The following SPAM1 variants were observed in gnomAD, a reference collection of about 807,000 sequenced individuals.
The protein encoded by SPAM1 is hyaluronidase PH-20.
SPAM1 carries 22 observed loss-of-function variants against 29.6 expected under a neutral mutation model. The observed-to-expected ratio is 0.74, with a 90% CI of 0.53 to 1.06. The LOEUF (loss-of-function observed/expected upper bound fraction) is 1.06, where lower values mean the gene tolerates loss of function less well. SPAM1 is among the 50% of genes least tolerant of loss of function. SPAM1 has a pLI of 0.00. For missense variants in SPAM1, 534 were observed against 604.0 expected (o/e 0.88, Z 1.21); for synonymous variants, 194 against 204.6 (o/e 0.95, Z 0.44).
rs749343447 is a variant in SPAM1, at chr7:123,954,235, C to T, written c.665C>T (p.Pro222Leu). The change falls in exon 3 of 5, where the codon CCG becomes CTG. Residue 222 changes from proline to leucine, a missense_variant. Coordinates refer to ENST00000682466, the MANE Select transcript of SPAM1 (RefSeq NM_153189.3). ...CACTTGTGGGGTTATTATCTTTTTC[C>T]GGATTGTTACAACCATCACTATAAG... is the stretch of plus-strand genomic sequence containing the variant. ...PNHLWGYYLF[P>L]DCYNHHYKKP... 2.4e-5 allele frequency: 38 copies of T among 1,613,172 alleles called. No homozygotes were observed. The Admixed American group carries it at 4.7e-4, about 20-fold the overall frequency.
At chr7:123,957,786 C>T (rs548986903) in intron 4 of SPAM1, among the ~76,000 whole-genome samples, 1 of 151,990 alleles carries the variant, frequency 6.6e-6, no homozygotes, top group African/African-American at 2.4e-5. Context: ...CATTATCTGG[C>T]TGGCTACTGG....
chr7:123,967,502 T>C lies in SPAM1; in HGVS notation c.1486-2696T>C, dbSNP rs886721952. ...TAAGTGATTAGATATTCCCTGTGAT[T>C]GTTTTATATATTCTTAGTAGGTATG... On this transcript the variant is annotated intron_variant, in intron 5 of 6. Transcript: ENST00000340011. 4.6e-5 allele frequency among the ~76,000 whole-genome samples: 7 copies of C among 152,024 alleles called. 1 individual carries two copies. Among genetic ancestry groups the C allele is most frequent in the Admixed American group, 4.6e-4 (7 of 15,224 alleles).
In SPAM1 at chr7:123,968,970, A is replaced by T. The variant is rs143741719; in HGVS notation, c.1486-1228A>T. ...AGGCCTGTGTTAAGAAATTATAGGCATTTTCTCATTTAATCTCCATAATAC... is the reference window on the plus strand; with the variant it reads ...AGGCCTGTGTTAAGAAATTATAGGCTTTTTCTCATTTAATCTCCATAATAC... On this transcript the variant is annotated intron_variant, in intron 5 of 6. Transcript: ENST00000340011. Among the ~76,000 whole-genome samples, 97 of 152,096 alleles carry T rather than the reference A, an allele frequency of 6.4e-4. No individual in the cohort carries two copies. The East Asian group carries it at 0.011, about 18-fold the overall frequency.
intron 3 of SPAM1, 93 bp from the exon 4 acceptor site, chr7:123,954,904 T>C (rs1362284520): frequency 7.7e-6 from 6 of 775,868 alleles, no homozygotes; most frequent in Non-Finnish European, 1.4e-5. Context: ...ATTATTATTA[T>C]TGGGTCAGCA....
intron 1 of SPAM1, among the ~76,000 whole-genome samples, chr7:123,941,668 C>T (rs961909442): frequency 9.2e-5 from 14 of 152,106 alleles, no homozygotes; most frequent in African/African-American, 2.7e-4. Flanking sequence ...GTATCTAGCT[C>T]ATTTAGGAAT....
At chr7:123,961,064 A>G (rs1399496621), downstream of SPAM1, among the ~76,000 whole-genome samples, 1 of 151,752 alleles carries the variant, frequency 6.6e-6, no homozygotes, top group Non-Finnish European at 1.5e-5. Context: ...ACATGTACTA[A>G]TTGTACATAT....
At chr7:123,955,126 T>C (rs1376342521) in intron 4 of SPAM1, 40 bp downstream of exon 4, 7 of 1,356,694 alleles carry the variant, frequency 5.2e-6, no homozygotes, top group Non-Finnish European at 7.4e-6. Context: ...AATATTTCTA[T>C]GTTTAATGTT....
At chr7:123,941,518 A>G (rs1808426463) in intron 1 of SPAM1, among the ~76,000 whole-genome samples, 1 of 152,140 alleles carries the variant, frequency 6.6e-6, no homozygotes, top group Admixed American at 6.5e-5. Context: ...TTTTACATAA[A>G]CAATAGGACA....
At chr7:123,965,570 C>T (rs1045592034) in intron 5 of SPAM1, among the ~76,000 whole-genome samples, 1 of 152,020 alleles carries the variant, frequency 6.6e-6, no homozygotes, top group African/African-American at 2.4e-5. Flanking sequence ...ATCCTTTCCC[C>T]ATTGCTAATT....
chr7:123,948,125 T>C (rs1385097179), intron 1 of SPAM1, among the ~76,000 whole-genome samples: 9 of 152,160 alleles, frequency 5.9e-5, no homozygotes, highest in Non-Finnish European at 1.0e-4. Context: ...TTAAGAAGTT[T>C]CTTAGAAAAA....
At chr7:123,928,101 G>A (rs1419512337) in intron 1 of SPAM1, among the ~76,000 whole-genome samples, 2 of 152,048 alleles carry the variant, frequency 1.3e-5, no homozygotes, top group African/African-American at 2.4e-5. Flanking sequence ...CAAGATTAGG[G>A]TATTGCAGGG....
chr7:123,945,385 G>GA (rs34322825), intron 1 of SPAM1, among the ~76,000 whole-genome samples: 34 of 147,926 alleles, frequency 2.3e-4, no homozygotes, highest in Admixed American at 2.0e-3. Context: ...TTCCTAGGAG[G>GA]AAAAAAAAAA....
At chr7:123,959,375 A>C in intron 4 of SPAM1, 109 bp from the exon 5 acceptor site, 1 of 683,872 alleles carries the variant, frequency 1.5e-6, no homozygotes, top group Non-Finnish European at 2.4e-6. Context: ...ACTTCTTGCT[A>C]TCTCTGGTTT....
chr7:123,955,037 G>A lies in SPAM1; in HGVS notation c.995G>A (p.Gly332Asp), dbSNP rs754562438. The change falls in exon 4 of 5, where the codon GGT becomes GAT. Residue 332 changes from glycine to aspartate, a missense_variant. By Grantham distance (94) the Gly-to-Asp change is moderately conservative. Coordinates refer to ENST00000682466, the MANE Select transcript of SPAM1 (RefSeq NM_153189.3). ...VYTFGETVALGASGIVIWGTL... is the reference protein window; with the variant it reads ...VYTFGETVALDASGIVIWGTL... Reference sequence around the variant, plus strand: ...ACATTTGGCGAAACTGTTGCTCTGGGTGCTTCTGGAATTGTAATATGGGGA... The same window carrying A: ...ACATTTGGCGAAACTGTTGCTCTGGATGCTTCTGGAATTGTAATATGGGGA... 6.2e-7 allele frequency: 1 copy of A among 1,611,832 alleles called. No homozygotes were observed. The highest frequency in any genetic ancestry group is 8.5e-7 in the Non-Finnish European group (1 of 1,178,454).
intron 1 of SPAM1, among the ~76,000 whole-genome samples, chr7:123,942,155 C>CT (rs1349554529): frequency 3.3e-5 from 5 of 152,030 alleles, no homozygotes; most frequent in African/African-American, 4.8e-5. Flanking sequence ...AAAAGCACAG[C>CT]TTAATTTTTA....
At chr7:123,948,131 A>C (rs1340862577) in intron 1 of SPAM1, among the ~76,000 whole-genome samples, 1 of 151,990 alleles carries the variant, frequency 6.6e-6, no homozygotes, top group Non-Finnish European at 1.5e-5. Context: ...AGTTTCTTAG[A>C]AAAAAAATCT....
chr7:123,934,543 T>C (rs570810744), intron 1 of SPAM1, among the ~76,000 whole-genome samples: 1 of 152,348 alleles, frequency 6.6e-6, no homozygotes, highest in Admixed American at 6.5e-5. Flanking sequence ...TGCACTCTCA[T>C]GTTTATTGTG....
At chr7:123,970,237 G>T in exon 6 of SPAM1, 1 of 1,548,898 alleles carries the variant, frequency 6.5e-7, no homozygotes. Context: ...TAGCAGAATT[G>T]GTTTCTTCTG....
At chr7:123,940,936 C>T (rs979738757) in intron 1 of SPAM1, among the ~76,000 whole-genome samples, 1 of 151,802 alleles carries the variant, frequency 6.6e-6, no homozygotes, top group South Asian at 2.1e-4. Flanking sequence ...TCAATATTTC[C>T]AATTCATGTT....
Sources: gnomAD v4.1 joint callset for allele counts (sites outside exome capture counted in the v4.1 genomes callset) on GRCh38, gnomAD v4.1.1 for gene constraint, MANE v1.5 for transcripts, NCBI Gene and HGNC (gene_info 2026-07-23, HGNC 2026-07-21) for gene names.